The following ATP8A2 variants were observed in gnomAD, a reference collection of about 807,000 sequenced individuals.
ATP8A2 encodes the protein phospholipid-transporting ATPase IB.
Under a neutral mutation model 165.6 loss-of-function variants are expected in ATP8A2, and 100 were observed. That is an observed-to-expected ratio of 0.60 (90% CI 0.51 to 0.71). ATP8A2 has a LOEUF of 0.71. Ranked by LOEUF, ATP8A2 falls within the 30% of genes least tolerant of loss-of-function variation. The probability of loss-of-function intolerance (pLI) is 0.00; values close to 1 mark genes in which losing one functional copy is unlikely to be tolerated. For synonymous variants in ATP8A2, 543 were observed against 548.8 expected (o/e 0.99, Z 0.15); for missense variants, 1,227 against 1,479.5 (o/e 0.83, Z 2.80).
intron 19 of ATP8A2, among the ~76,000 whole-genome samples, chr13:25,575,333 T>C (rs1388298229): frequency 6.6e-6 from 1 of 152,228 alleles, no homozygotes; most frequent in African/African-American, 2.4e-5. Flanking sequence ...CCTGGACTTA[T>C]TCGGAAGCAT....
Position 25,559,076 on chromosome 13 carries a change from C to G in ATP8A2, c.1352+15C>G, listed in dbSNP as rs1437553686. 1 of 1,540,852 alleles carries G rather than the reference C, an allele frequency of 6.5e-7. No homozygotes were observed. The highest frequency in any genetic ancestry group is 1.9e-5 in the Admixed American group (1 of 53,052). ...GTAACCTATGGGTCAGTGTGTTTAT[C>G]ATTTACTGAAAATTTACTTGTATTC... is the stretch of plus-strand genomic sequence containing the variant. On this transcript the variant is annotated intron_variant, in intron 14 of 36. Transcript: ENST00000381655.
At chr13:25,562,067 C>T (rs750332782) in intron 15 of ATP8A2, among the ~76,000 whole-genome samples, 69 of 152,228 alleles carry the variant, frequency 4.5e-4, no homozygotes, top group Non-Finnish European at 6.8e-4. Flanking sequence ...CTGTGAATAA[C>T]GCTGCTGTGA....
At chr13:25,894,330 G>T (rs1183353137) in intron 33 of ATP8A2, among the ~76,000 whole-genome samples, 1 of 152,164 alleles carries the variant, frequency 6.6e-6, no homozygotes, top group African/African-American at 2.4e-5. Context: ...GTTTATCAAA[G>T]ATCAGATAGT....
chr13:25,749,641 G>A (rs2044112884), intron 25 of ATP8A2, among the ~76,000 whole-genome samples: 1 of 152,166 alleles, frequency 6.6e-6, no homozygotes, highest in African/African-American at 2.4e-5. Flanking sequence ...TGGGGCAAGG[G>A]AGATGGGAGG....
intron 1 of ATP8A2, among the ~76,000 whole-genome samples, chr13:25,408,411 C>T (rs2033871714): frequency 6.6e-6 from 1 of 150,790 alleles, no homozygotes; most frequent in Non-Finnish European, 1.5e-5. Context: ...AAAGCTTGTG[C>T]AGGATCCCAG....
At chr13:25,582,251 C>T (rs1475814919) in intron 23 of ATP8A2, among the ~76,000 whole-genome samples, 1 of 152,216 alleles carries the variant, frequency 6.6e-6, no homozygotes, top group Non-Finnish European at 1.5e-5. Flanking sequence ...AAATTTTAGT[C>T]TGAGACTAAG....
intron 33 of ATP8A2, among the ~76,000 whole-genome samples, chr13:25,919,632 A>G (rs966231488): frequency 5.3e-5 from 8 of 152,154 alleles, no homozygotes; most frequent in Non-Finnish European, 1.0e-4. Flanking sequence ...CTTCCAGGTC[A>G]GCCCTTACCT....
intron 4 of ATP8A2, 108 bp from the exon 5 acceptor site, chr13:25,532,164 G>A: frequency 4.9e-6 from 4 of 823,880 alleles, no homozygotes; most frequent in South Asian, 3.2e-5. Flanking sequence ...AGCATTATTG[G>A]CATTTAGTTT....
intron 1 of ATP8A2, among the ~76,000 whole-genome samples, chr13:25,435,287 A>C (rs915550168): frequency 5.3e-5 from 8 of 151,808 alleles, no homozygotes; most frequent in Non-Finnish European, 1.2e-4. Context: ...TACCTGGCTA[A>C]TTTTTGTATT....
chr13:25,394,522 C>G (rs7986601), intron 1 of ATP8A2, among the ~76,000 whole-genome samples: 2 of 152,150 alleles, frequency 1.3e-5, no homozygotes, highest in African/African-American at 4.8e-5. Flanking sequence ...GGCAACCAAC[C>G]AGAAGAGGAA....
chr13:25,912,791 T>G (rs1954157202), intron 33 of ATP8A2, among the ~76,000 whole-genome samples: 1 of 152,180 alleles, frequency 6.6e-6, no homozygotes, highest in African/African-American at 2.4e-5. Context: ...TGTTTAAAAC[T>G]AGCTGTCTCC....
intron 2 of ATP8A2, among the ~76,000 whole-genome samples, chr13:25,528,982 C>A (rs1276851192): frequency 1.3e-5 from 2 of 152,080 alleles, no homozygotes; most frequent in African/African-American, 4.8e-5. Context: ...CCCACTTCCC[C>A]CACCCCACAA....
intron 4 of ATP8A2, 42 bp downstream of exon 4, chr13:25,530,702 A>G (rs1350774199): frequency 2.5e-6 from 3 of 1,207,760 alleles, no homozygotes; most frequent in African/African-American, 1.5e-5. Context: ...TGTATGCAGT[A>G]GATAATAACT....
At chr13:25,700,037 G>C (rs114677192) in intron 25 of ATP8A2, among the ~76,000 whole-genome samples, 2,293 of 152,226 alleles carry the variant, frequency 0.015, 60 homozygotes, top group African/African-American at 0.052. Context: ...TAGTGGAAAG[G>C]CATGTCAGTT....
chr13:25,376,241 G>A (rs1178127964), intron 1 of ATP8A2, among the ~76,000 whole-genome samples: 1 of 152,196 alleles, frequency 6.6e-6, no homozygotes, highest in African/African-American at 2.4e-5. Context: ...AAATGCAACA[G>A]AATACGCTCA....
intron 1 of ATP8A2, among the ~76,000 whole-genome samples, chr13:25,384,905 G>A (rs1278717982): frequency 2.0e-5 from 3 of 152,212 alleles, no homozygotes; most frequent in Non-Finnish European, 2.9e-5. Context: ...CTGCAGGGCT[G>A]TGTGACACTG....
At chr13:25,552,010 G>A (rs542076686) in intron 11 of ATP8A2, among the ~76,000 whole-genome samples, 3 of 152,166 alleles carry the variant, frequency 2.0e-5, no homozygotes, top group Admixed American at 6.5e-5. Context: ...GTTTTGAGAC[G>A]GAGTCTTGCT....
At chr13:25,674,449 G>A (rs2042332341) in intron 24 of ATP8A2, among the ~76,000 whole-genome samples, 1 of 152,138 alleles carries the variant, frequency 6.6e-6, no homozygotes, top group African/African-American at 2.4e-5. Context: ...TAGGTCTCTG[G>A]AATTGGCTGA....
chr13:25,664,639 G>A (rs1020392595), intron 24 of ATP8A2, among the ~76,000 whole-genome samples: 2 of 152,098 alleles, frequency 1.3e-5, no homozygotes, highest in African/African-American at 4.8e-5. Context: ...GGCTCTGATG[G>A]GTCTTGTGCA....
Sources: gnomAD v4.1 joint callset for allele counts (sites outside exome capture counted in the v4.1 genomes callset) on GRCh38, gnomAD v4.1.1 for gene constraint, MANE v1.5 for transcripts, NCBI Gene and HGNC (gene_info 2026-07-23, HGNC 2026-07-21) for gene names.